FAM53A: variants seen among roughly 807,000 people sequenced by gnomAD.
FAM53A encodes family with sequence similarity 53 member A.
Under a neutral mutation model 26.6 loss-of-function variants are expected in FAM53A, and 28 were observed. The ratio of observed to expected loss-of-function variants is 1.05; its 90% CI spans 0.78 to 1.45. The LOEUF is 1.45. FAM53A is among the 40% of genes most tolerant of loss of function. The pLI, the probability that FAM53A is intolerant of heterozygous loss-of-function variation, is 0.00. For synonymous variants in FAM53A, 290 were observed against 253.1 expected (o/e 1.15, Z -1.38); for missense variants, 650 against 575.8 (o/e 1.13, Z -1.32).
At chr4:1,649,762 G>A (rs1475508467) in intron 4 of FAM53A, among the ~76,000 whole-genome samples, 1 of 152,264 alleles carries the variant, frequency 6.6e-6, no homozygotes, top group African/African-American at 2.4e-5. Context: ...TGAGCTCCAA[G>A]GAGGCCTGAG....
the FAM53A span, among the ~76,000 whole-genome samples, chr4:1,581,525 AAT>A: frequency 6.6e-6 from 1 of 152,204 alleles, no homozygotes; most frequent in Non-Finnish European, 1.5e-5. Context: ...GCATATCTGG[AAT>A]ATTACTGGCA....
chr4:1,607,016 G>A, the FAM53A span, among the ~76,000 whole-genome samples: 1 of 152,192 alleles, frequency 6.6e-6, no homozygotes, highest in Non-Finnish European at 1.5e-5. Flanking sequence ...CACTTTCTGG[G>A]TTTTTTGTTT....
intron 4 of FAM53A, among the ~76,000 whole-genome samples, chr4:1,650,615 C>A (rs1372758921): frequency 2.0e-5 from 3 of 152,044 alleles, no homozygotes; most frequent in Non-Finnish European, 2.9e-5. Flanking sequence ...CCTGACTCAG[C>A]CTCCCAAGTA....
chr4:1,633,231 G>A (rs941774868), intron 1 of FAM53A, among the ~76,000 whole-genome samples: 2 of 152,202 alleles, frequency 1.3e-5, no homozygotes, highest in Admixed American at 1.3e-4. Context: ...ACACTCACAG[G>A]CTTCATTATT....
At chr4:1,574,828 C>T in the FAM53A span, among the ~76,000 whole-genome samples, 1 of 152,228 alleles carries the variant, frequency 6.6e-6, no homozygotes, top group Admixed American at 6.5e-5. Flanking sequence ...AGGGCCCACG[C>T]CCTGTGTGCC....
the FAM53A span, among the ~76,000 whole-genome samples, chr4:1,579,176 C>G: frequency 2.1e-4 from 32 of 149,840 alleles, no homozygotes; most frequent in Admixed American, 1.2e-3. Context: ...AGGCCCCTGC[C>G]CCCCCTGCCC....
chr4:1,675,301 G>A (rs911528524), intron 1 of FAM53A, among the ~76,000 whole-genome samples: 1 of 152,104 alleles, frequency 6.6e-6, no homozygotes, highest in South Asian at 2.1e-4. Flanking sequence ...TACCACCTGA[G>A]CTCCGGGAAG....
At chr4:1,581,219 G>A in the FAM53A span, among the ~76,000 whole-genome samples, 1 of 132,582 alleles carries the variant, frequency 7.5e-6, no homozygotes. Flanking sequence ...CCCAGGCACC[G>A]CCTCTCACCC....
In FAM53A at chr4:1,630,707, C is replaced by T. The variant is rs1054506109; in HGVS notation, c.432-12596G>A. On this transcript the variant is annotated intron_variant, in intron 1 of 1. Transcript: ENST00000489029. This position sits in a 1 kb window ranked among gnomAD's most constrained non-coding sequence, Gnocchi z 4.3. ...GCATGATCCCACGTCTACGAAATGC[C>T]CAGCTCCACAGAGACAACAAGCGGA... Among the ~76,000 whole-genome samples, 2 of 152,114 alleles carry T rather than the reference C, an allele frequency of 1.3e-5. No homozygotes were observed. The highest frequency in any genetic ancestry group is 4.8e-5 in the African/African-American group (2 of 41,426).
At chr4:1,654,032 G>A (rs1261752529) in intron 4 of FAM53A, among the ~76,000 whole-genome samples, 2 of 152,144 alleles carry the variant, frequency 1.3e-5, no homozygotes, top group Non-Finnish European at 2.9e-5. Context: ...CCCGGAGGAT[G>A]GGGCTGGGGA....
chr4:1,635,124 CCT>C (rs1715781619), downstream of FAM53A, among the ~76,000 whole-genome samples: 1 of 152,158 alleles, frequency 6.6e-6, no homozygotes, highest in South Asian at 2.1e-4. Flanking sequence ...TCTAGTTCTG[CCT>C]CTCTTTTCAT....
In FAM53A at chr4:1,640,817, G is replaced by A. The variant is rs75789716; in HGVS notation, c.*476C>T. 186 of 349,186 alleles carry A rather than the reference G, an allele frequency of 5.3e-4. No individual in the cohort carries two copies. The highest frequency in any genetic ancestry group is 9.2e-4 in the East Asian group (7 of 7,616). The allele number at this position is 349,186 out of a possible 1,614,324, so 21.6% of individuals were successfully genotyped here. A position where few individuals can be genotyped will look rare whatever the true frequency, so the allele number is the denominator to read the frequency against. On this transcript the variant is annotated 3_prime_UTR_variant, in exon 5 of 5. Transcript: ENST00000308132. The stretch of plus-strand genomic sequence containing the variant: ...TCACAGGAAACCTACTCTGTGCCCC[G>A]GGGCAGGTGCAGGCGGCAGCCATGG...
intron 1 of FAM53A, among the ~76,000 whole-genome samples, chr4:1,622,909 C>A (rs1715109188): frequency 6.6e-6 from 1 of 152,238 alleles, no homozygotes; most frequent in South Asian, 2.1e-4. Context: ...AGGCCACACG[C>A]ACACGGCCAG....
At chr4:1,667,876 CG>C (rs1177469842) in intron 2 of FAM53A, among the ~76,000 whole-genome samples, 3 of 152,006 alleles carry the variant, frequency 2.0e-5, no homozygotes, top group Non-Finnish European at 2.9e-5. Context: ...CTAACTAGGG[CG>C]GGGGGGTCCT....
Position 1,655,625 on chromosome 4 carries a change from CG to C in FAM53A, c.234del (p.Ala79LeufsTer212), listed in dbSNP as rs747162154. On this transcript the variant is annotated frameshift_variant, in exon 4 of 5. Coordinates refer to ENST00000308132, the MANE Select transcript of FAM53A (RefSeq NM_001174070.3). LOFTEE classifies it high-confidence loss of function. The stretch of plus-strand genomic sequence containing the variant: ...TGCCACTGAAGACCCATGGTGTGAG[CG>C]GCAGCAGACAGGCCCGGCAGGAAGG... ...DFSFLPGLSA[A>X]AHTMGLQWQP... The C allele has an allele frequency of 1.3e-6, 2 of 1,593,342 alleles. No homozygotes were observed. Among genetic ancestry groups the C allele is most frequent in the African/African-American group, 2.7e-5 (2 of 74,144 alleles).
chr4:1,636,693 T>A (rs930006464), downstream of FAM53A, among the ~76,000 whole-genome samples: 2 of 152,214 alleles, frequency 1.3e-5, no homozygotes, highest in Admixed American at 6.5e-5. Context: ...CCAATCCACC[T>A]CTGTCAGAGG....
At chr4:1,675,362 C>T (rs1434406305) in intron 1 of FAM53A, among the ~76,000 whole-genome samples, 1 of 152,186 alleles carries the variant, frequency 6.6e-6, no homozygotes, top group East Asian at 1.9e-4. Flanking sequence ...CTCTCGGCGC[C>T]GGCCCCTCCA....
chr4:1,682,451 C>T (rs759657462), intron 1 of FAM53A, among the ~76,000 whole-genome samples: 1 of 151,794 alleles, frequency 6.6e-6, no homozygotes, highest in Admixed American at 6.6e-5. Flanking sequence ...TTAGTAGAGA[C>T]GGGGTTTCAC....
chr4:1,682,184 T>G (rs2109083955), intron 1 of FAM53A, among the ~76,000 whole-genome samples: 1 of 152,244 alleles, frequency 6.6e-6, no homozygotes, highest in East Asian at 1.9e-4. Flanking sequence ...AACAAATGCT[T>G]AACAGATTGT....
Sources: gnomAD v4.1 joint callset for allele counts (sites outside exome capture counted in the v4.1 genomes callset) on GRCh38, gnomAD v4.1.1 for gene constraint, Gnocchi (gnomAD v3.1) non-coding constraint, MANE v1.5 for transcripts, NCBI Gene and HGNC (gene_info 2026-07-23, HGNC 2026-07-21) for gene names.